Variants in APOD observed in about 807,000 individuals in gnomAD.
The protein encoded by APOD is apolipoprotein D, also known as apo-D.
APOD carries 22 observed loss-of-function variants against 20.4 expected under a neutral mutation model. The ratio of observed to expected loss-of-function variants is 1.08; its 90% CI spans 0.77 to 1.54. APOD has a LOEUF of 1.54. Ranked by LOEUF, APOD falls within the 40% of genes most tolerant of loss-of-function variation. The pLI, the probability that APOD is intolerant of heterozygous loss-of-function variation, is 0.00. For synonymous variants in APOD, 97 were observed against 92.4 expected, an observed-to-expected ratio of 1.05 and a Z score of -0.29; for missense variants, 223 against 229.6, an observed-to-expected ratio of 0.97 and a Z score of 0.19.
At chr3:195,573,084 C>A (rs1189959958) in intron 3 of APOD, among the ~76,000 whole-genome samples, 1 of 152,194 alleles carries the variant, frequency 6.6e-6, no homozygotes, top group Non-Finnish European at 1.5e-5. Context: ...CATACGTTAA[C>A]TTAGCAACAA....
intron 1 of APOD, chr3:195,583,338 T>G (rs1354267852): frequency 6.6e-6 from 1 of 152,188 alleles, no homozygotes; most frequent in Non-Finnish European, 1.5e-5. Context: ...AGGACTAGAT[T>G]TTGAAATTTC....
Position 195,573,938 on chromosome 3 carries a change from G to A in APOD, c.157C>T (p.Pro53Ser), listed in dbSNP as rs753635220. The A allele has an allele frequency of 6.2e-7, 1 of 1,614,104 alleles. No individual in the cohort carries two copies. Among genetic ancestry groups the A allele is most frequent in the South Asian group, 1.1e-5 (1 of 91,070 alleles). Residue 53 changes from proline (P) to serine (S), a missense_variant, in exon 3 of 5, where the codon CCA becomes TCA. Transcript: ENST00000343267. Reference protein sequence around the residue: ...LGRWYEIEKIPTTFENGRCIQ... With the variant: ...LGRWYEIEKISTTFENGRCIQ... The stretch of plus-strand genomic sequence containing the variant: ...CAGCGTCCATTCTCAAAGGTTGTTG[G>A]GATCTTCTCAATTTCGTACCATCTT...
Position 195,580,973 on chromosome 3 carries a change from C to A in APOD, c.-34-1478G>T, listed in dbSNP as rs1325802104. ...CCTGTAGCTTGCACACGAGCTATTT[C>A]CAGCTCTCTGCATTTCTCCCTGTAA... On this transcript the variant is annotated intron_variant, in intron 1 of 4. Transcript: ENST00000343267. 2.0e-5 allele frequency among the ~76,000 whole-genome samples: 3 copies of A among 152,200 alleles called. 1 individual carries two copies.
intron 4 of APOD, 165 bp downstream of exon 4, chr3:195,571,112 T>C (rs1720150869): frequency 2.9e-6 from 2 of 684,616 alleles, no homozygotes; most frequent in Admixed American, 2.2e-5. Flanking sequence ...CGGCTCATCA[T>C]GGCAACCCTA....
Position 195,583,207 on chromosome 3 carries a change from G to A in APOD, c.-35+671C>T, listed in dbSNP as rs548375288. Reference sequence around the variant, plus strand: ...CCCGGGTTACTTCCTGGTAAACTACGAAGCCACAGTGTAAGCCTAGGCCTG... The same window carrying A: ...CCCGGGTTACTTCCTGGTAAACTACAAAGCCACAGTGTAAGCCTAGGCCTG... On this transcript the variant is annotated intron_variant, in intron 1 of 4. Coordinates refer to ENST00000343267, the MANE Select transcript of APOD (RefSeq NM_001647.4). 2.6e-5 allele frequency: 4 copies of A among 152,282 alleles called. 1 individual carries two copies. In the South Asian group the frequency reaches 6.2e-4, roughly 24 times the overall value. The allele number at this position is 152,282 out of a possible 1,614,324, so 9.4% of individuals were successfully genotyped here.
At position 195,579,373 on chromosome 3, in the gene APOD, T is replaced by C. The variant is rs142890022; in HGVS notation, c.89A>G (p.Asn30Ser). ...GTCAAAATTCTCCTGCACCGGAGGA[T>C]TGGGGCACTTCCCAAGATGAAATGC... is the stretch of plus-strand genomic sequence containing the variant. The part of the protein sequence containing the change: ...GQAFHLGKCP[N>S]PPVQENFDVN... The change falls in exon 2 of 5, where the codon AAT (asparagine) becomes AGT (serine). Residue 30 changes from asparagine to serine, a missense_variant. By Grantham distance (46) the Asn-to-Ser change is conservative. Coordinates refer to ENST00000343267, the MANE Select transcript of APOD (RefSeq NM_001647.4). 3.1e-6 allele frequency: 5 copies of C among 1,614,196 alleles called. No homozygotes were observed. The highest frequency in any genetic ancestry group is 4.2e-6 in the Non-Finnish European group (5 of 1,180,022).
At chr3:195,580,365 C>CTTTCTTTCT (rs139094015) in intron 1 of APOD, among the ~76,000 whole-genome samples, 2 of 124,364 alleles carry the variant, frequency 1.6e-5, no homozygotes, top group South Asian at 2.4e-4. Context: ...TTCTTTCTTT[C>CTTTCTTTCT]TTCTTTTTTT....
At chr3:195,569,914 C>T (rs1443832074) in intron 4 of APOD, among the ~76,000 whole-genome samples, 2 of 150,566 alleles carry the variant, frequency 1.3e-5, no homozygotes, top group Non-Finnish European at 2.9e-5. Context: ...ATTCTCCTGC[C>T]TCAGCATCCT....
intron 4 of APOD, chr3:195,571,039 G>A (rs560144390): frequency 4.9e-5 from 27 of 546,644 alleles, no homozygotes; most frequent in East Asian, 2.4e-4. Context: ...AGTAAATTGC[G>A]GGGTCACGTG....
At chr3:195,580,473 C>T (rs1174575579) in intron 1 of APOD, among the ~76,000 whole-genome samples, 5 of 151,472 alleles carry the variant, frequency 3.3e-5, no homozygotes, top group East Asian at 2.0e-4. Flanking sequence ...GGCACAATCT[C>T]GGCTCACTGC....
intron 2 of APOD, among the ~76,000 whole-genome samples, chr3:195,575,159 T>C (rs1720228119): frequency 6.6e-6 from 1 of 152,202 alleles, no homozygotes; most frequent in African/African-American, 2.4e-5. Flanking sequence ...TGAGGCTTCC[T>C]CTATTTTCAA....
Position 195,568,834 on chromosome 3 carries a change from G to GA in APOD, c.*65_*66insT. ...GTGGTTGATTGGTTTGTCTTTATGG[G>GA]GGGGGGGTAGGGGAAAGCGAAGCAG... On this transcript the variant is annotated 3_prime_UTR_variant, in exon 5 of 5. Coordinates refer to ENST00000343267, the MANE Select transcript of APOD (RefSeq NM_001647.4). 9.9e-7 allele frequency: 1 copy of GA among 1,014,258 alleles called. No homozygotes were observed. The highest frequency in any genetic ancestry group is 1.5e-6 in the Non-Finnish European group (1 of 675,486). 62.8% of individuals were successfully genotyped at this position (1,014,258 alleles called of 1,614,324 possible).
chr3:195,574,930 A>G (rs1234919236), intron 2 of APOD, among the ~76,000 whole-genome samples: 1 of 152,248 alleles, frequency 6.6e-6, no homozygotes, highest in African/African-American at 2.4e-5. Flanking sequence ...AAAAATGGAG[A>G]AAATGTTTAT....
At chr3:195,570,528 T>A (rs1214784693) in intron 4 of APOD, 2 of 152,204 alleles carry the variant, frequency 1.3e-5, no homozygotes, top group Admixed American at 6.5e-5. Context: ...CTCTAGGCAC[T>A]TGACTGGTGT....
At chr3:195,574,167 G>A (rs934863775) in intron 2 of APOD, among the ~76,000 whole-genome samples, 196 bp from the exon 3 acceptor site, 17 of 152,174 alleles carry the variant, frequency 1.1e-4, no homozygotes, top group African/African-American at 3.6e-4. Flanking sequence ...GGCAGGGGGT[G>A]AATGCTGAGT....
chr3:195,574,526 C>T (rs1296969667), intron 2 of APOD, among the ~76,000 whole-genome samples: 1 of 152,116 alleles, frequency 6.6e-6, no homozygotes, highest in Non-Finnish European at 1.5e-5. Context: ...TGGGGAAGGT[C>T]GAGGGAACCA....
intron 4 of APOD, 81 bp from the exon 5 acceptor site, chr3:195,569,216 C>T: frequency 8.4e-7 from 1 of 1,192,140 alleles, no homozygotes; most frequent in Non-Finnish European, 1.2e-6. Context: ...CTGGCCCAGA[C>T]AACCACCCAC....
intron 2 of APOD, among the ~76,000 whole-genome samples, chr3:195,578,527 C>T (rs1479967073): frequency 6.6e-6 from 1 of 152,174 alleles, no homozygotes; most frequent in Non-Finnish European, 1.5e-5. Flanking sequence ...CAGTGGGAGC[C>T]TGTGAGTCCT....
intron 3 of APOD, among the ~76,000 whole-genome samples, chr3:195,572,754 G>A (rs1380707352): frequency 6.6e-6 from 1 of 151,922 alleles, no homozygotes; most frequent in Non-Finnish European, 1.5e-5. Context: ...GCTCACGCCT[G>A]TAATCCCAGC....
Sources: gnomAD v4.1 joint callset for allele counts (sites outside exome capture counted in the v4.1 genomes callset) on GRCh38, gnomAD v4.1.1 for gene constraint, MANE v1.5 for transcripts, NCBI Gene and HGNC (gene_info 2026-07-23, HGNC 2026-07-21) for gene names.